MANBA: variants seen among roughly 807,000 people sequenced by gnomAD.
MANBA encodes beta-mannosidase.
A neutral mutation model predicts 111.1 loss-of-function variants in MANBA; 83 were observed. The ratio of observed to expected loss-of-function variants is 0.75; its 90% CI spans 0.63 to 0.90. MANBA has a LOEUF of 0.90. Ranked by LOEUF, MANBA falls within the 40% of genes least tolerant of loss-of-function variation. MANBA has a pLI of 0.00. For synonymous variants in MANBA, 370 were observed against 378.7 expected (o/e 0.98, Z 0.27); for missense variants, 1,036 against 1,069.0 (o/e 0.97, Z 0.43).
intron 1 of MANBA, among the ~76,000 whole-genome samples, chr4:102,749,071 C>A (rs562974610): frequency 6.6e-6 from 1 of 151,692 alleles, no homozygotes; most frequent in Non-Finnish European, 1.5e-5. Context: ...ATAGATGGGA[C>A]TTAAAAGATC....
intron 1 of MANBA, chr4:102,728,607 G>T (rs1229359563): frequency 4.2e-6 from 2 of 475,916 alleles, no homozygotes; most frequent in Non-Finnish European, 7.6e-6. Context: ...GGCATGGGGG[G>T]TCCCCAGGTA....
chr4:102,638,599 C>G (rs2110192243), intron 14 of MANBA, among the ~76,000 whole-genome samples: 1 of 152,282 alleles, frequency 6.6e-6, no homozygotes, highest in South Asian at 2.1e-4. Context: ...AGTCCACAAC[C>G]TCATCCACAG....
At chr4:102,744,395 G>A (rs1723516412) in intron 1 of MANBA, among the ~76,000 whole-genome samples, 1 of 152,226 alleles carries the variant, frequency 6.6e-6, no homozygotes, top group African/African-American at 2.4e-5. Flanking sequence ...TAATGGACCA[G>A]TGTGATACCT....
At chr4:102,727,569 C>A in intron 1 of MANBA, 1 of 1,605,988 alleles carries the variant, frequency 6.2e-7, no homozygotes, top group Admixed American at 1.7e-5. Context: ...CACCTGGGGA[C>A]GAGAGCAATG....
chr4:102,638,969 G>A (rs993435519), intron 14 of MANBA, among the ~76,000 whole-genome samples: 3 of 152,098 alleles, frequency 2.0e-5, no homozygotes, highest in Admixed American at 6.6e-5. Flanking sequence ...GCCTTGCCTC[G>A]TTTTTGACCC....
Position 102,664,740 on chromosome 4 carries a change from T to A in MANBA, c.1430A>T (p.Tyr477Phe). Reference protein sequence around the residue: ...YHISFTDRPIYIKDYVTLYVK... With the variant: ...YHISFTDRPIFIKDYVTLYVK... The stretch of plus-strand genomic sequence containing the variant: ...ATAGAGTGTCACATAGTCCTTGATG[T>A]AGATTGGCCGGTCAGTGAAACTGAT... Residue 477 changes from tyrosine to phenylalanine, a missense_variant, in exon 11 of 17, where the codon TAC becomes TTC. Tyr to Phe is a conservative substitution (Grantham distance 22). Transcript: ENST00000647097. The A allele has an allele frequency of 6.2e-7, 1 of 1,613,456 alleles. No homozygotes were observed. Among genetic ancestry groups the A allele is most frequent in the Non-Finnish European group, 8.5e-7 (1 of 1,179,280 alleles).
chr4:102,689,626 A>G lies in MANBA; in HGVS notation c.908T>C (p.Met303Thr). Residue 303 changes from methionine (M) to threonine (T), a missense_variant, in exon 7 of 17, where the codon ATG becomes ACG. Transcript: ENST00000647097. Reference sequence around the variant, plus strand: ...TCCATCCAGTTCAAAAAGAACAGTCATGTTGTACCCAGTCTGGTTTCCATG... The same window carrying G: ...TCCATCCAGTTCAAAAAGAACAGTCGTGTTGTACCCAGTCTGGTTTCCATG... ...HGHGNQTGYN[M>T]TVLFELDGGL... The G allele has an allele frequency of 6.2e-7, 1 of 1,611,654 alleles. No individual in the cohort carries two copies. The highest frequency in any genetic ancestry group is 8.5e-7 in the Non-Finnish European group (1 of 1,178,138).
intron 12 of MANBA, among the ~76,000 whole-genome samples, chr4:102,653,767 A>G (rs529035864): frequency 6.6e-6 from 1 of 152,340 alleles, no homozygotes; most frequent in East Asian, 1.9e-4. Flanking sequence ...TAATTCCATT[A>G]TTTGAAGGAG....
At chr4:102,638,686 T>A (rs1054835979) in intron 14 of MANBA, among the ~76,000 whole-genome samples, 3 of 152,138 alleles carry the variant, frequency 2.0e-5, no homozygotes, top group Non-Finnish European at 4.4e-5. Flanking sequence ...CCAGAAGGAT[T>A]TTCCCCCCAA....
intron 8 of MANBA, among the ~76,000 whole-genome samples, chr4:102,673,244 C>T (rs996221715): frequency 4.6e-5 from 7 of 152,160 alleles, no homozygotes; most frequent in African/African-American, 1.7e-4. Flanking sequence ...CGGTGGCTTA[C>T]GCATGTAATC....
At chr4:102,756,844 C>T (rs934024827) in intron 1 of MANBA, among the ~76,000 whole-genome samples, 5 of 138,450 alleles carry the variant, frequency 3.6e-5, no homozygotes, top group South Asian at 2.5e-4. Flanking sequence ...TCAAAACTTA[C>T]ACCAGTGAGA....
At chr4:102,653,675 T>G (rs562015751) in intron 12 of MANBA, among the ~76,000 whole-genome samples, 44 of 152,322 alleles carry the variant, frequency 2.9e-4, no homozygotes, top group Admixed American at 2.4e-3. Flanking sequence ...GCAGCACTTA[T>G]CCTCAACTTT....
intron 1 of MANBA, among the ~76,000 whole-genome samples, chr4:102,735,460 G>GA (rs1358040300): frequency 0.014 from 918 of 65,588 alleles, 5 homozygotes; most frequent in Middle Eastern, 0.05. Flanking sequence ...CATGCATGCT[G>GA]AAAAAAAAAA....
chr4:102,711,517 T>C (rs1397577694), intron 5 of MANBA, among the ~76,000 whole-genome samples: 1 of 152,186 alleles, frequency 6.6e-6, no homozygotes, highest in African/African-American at 2.4e-5. Flanking sequence ...TGTGGGAATA[T>C]GAGTGAGTAC....
Position 102,664,794 on chromosome 4 carries a change from T to A in MANBA, c.1376A>T (p.Glu459Val), listed in dbSNP as rs1160738415. The change falls in exon 11 of 17, where the codon GAG (glutamate) becomes GTG (valine). Residue 459 changes from glutamate to valine, a missense_variant. Coordinates refer to ENST00000647097, the MANE Select transcript of MANBA (RefSeq NM_005908.4). ...IIIWSGNNEN[E>V]EALMMNWYHI... is the part of the protein sequence containing the mutation. ...ATACCAATTCATCATCAGCGCCTCC[T>A]CATTTTCATTATTGCCACTCCATAT... 3.1e-6 allele frequency: 5 copies of A among 1,610,454 alleles called. No homozygotes were observed. The highest frequency in any genetic ancestry group is 4.2e-6 in the Non-Finnish European group (5 of 1,176,566).
Position 102,657,836 on chromosome 4 carries a change from G to T in MANBA, c.1550C>A (p.Ala517Asp), listed in dbSNP as rs748994375. Residue 517 changes from alanine to aspartate, a missense_variant, in exon 12 of 17, where the codon GCC becomes GAC. Ala to Asp is a moderately radical substitution (Grantham distance 126). Coordinates refer to ENST00000647097, the MANE Select transcript of MANBA (RefSeq NM_005908.4). ...PTNGAETVAEAWVSQNPNSNY... is the reference protein window; with the variant it reads ...PTNGAETVAEDWVSQNPNSNY... ...GCTATTAGGGTTTTGAGAGACCCAG[G>T]CTTCTGCAACAGTTTCAGCCCCATT... The T allele has an allele frequency of 1.2e-6, 2 of 1,613,890 alleles. No individual in the cohort carries two copies. Among genetic ancestry groups the T allele is most frequent in the Non-Finnish European group, 8.5e-7 (1 of 1,179,828 alleles).
At chr4:102,755,284 T>A (rs1002853257) in intron 1 of MANBA, among the ~76,000 whole-genome samples, 8 of 151,968 alleles carry the variant, frequency 5.3e-5, no homozygotes, top group Admixed American at 3.3e-4. Flanking sequence ...TATAGACCAA[T>A]GGAACAGAAC....
At chr4:102,672,933 G>C (rs532504647) in intron 8 of MANBA, among the ~76,000 whole-genome samples, 1 of 152,200 alleles carries the variant, frequency 6.6e-6, no homozygotes, top group East Asian at 1.9e-4. Context: ...GTCCTACGTA[G>C]TTATCCACTC....
intron 1 of MANBA, among the ~76,000 whole-genome samples, chr4:102,731,087 TA>T (rs1181353648): frequency 1.3e-5 from 2 of 151,982 alleles, no homozygotes; most frequent in Non-Finnish European, 2.9e-5. Context: ...GCGTTGAGGA[TA>T]AAAACCCCCT....
Sources: allele counts gnomAD v4.1 joint callset (sites outside exome capture counted in the v4.1 genomes callset), GRCh38; gene constraint gnomAD v4.1.1; transcripts MANE v1.5; gene names NCBI Gene and HGNC (gene_info 2026-07-23, HGNC 2026-07-21).